The following SCN11A variants were observed in gnomAD, a reference collection of about 807,000 sequenced individuals.
SCN11A encodes sodium voltage-gated channel alpha subunit 11.
In SCN11A, 122 loss-of-function variants were observed where a neutral mutation model predicts 162.2. The observed-to-expected ratio is 0.75, with a 90% confidence interval of 0.65 to 0.87. SCN11A has a LOEUF of 0.87. Ranked by LOEUF, SCN11A falls within the 40% of genes least tolerant of loss-of-function variation. The pLI, the probability that SCN11A is intolerant of heterozygous loss-of-function variation, is 0.00. For synonymous variants in SCN11A, 758 were observed against 751.5 expected (o/e 1.01, Z -0.14); for missense variants, 2,015 against 2,181.6 (o/e 0.92, Z 1.52).
At chr3:38,991,904 G>A (rs2030464374) in intron 2 of SCN11A, among the ~76,000 whole-genome samples, 1 of 152,134 alleles carries the variant, frequency 6.6e-6, no homozygotes, top group Admixed American at 6.5e-5. Context: ...TGCCTCCCAG[G>A]TTCAAGTGAT....
intron 2 of SCN11A, among the ~76,000 whole-genome samples, chr3:38,990,037 T>C (rs879528343): frequency 1.3e-5 from 2 of 152,222 alleles, no homozygotes; most frequent in Non-Finnish European, 2.9e-5. Context: ...TTCACTCTAA[T>C]TGACTTCCAG....
intron 23 of SCN11A, among the ~76,000 whole-genome samples, chr3:38,878,373 G>T (rs1195470555): frequency 1.3e-5 from 2 of 151,750 alleles, no homozygotes; most frequent in Admixed American, 1.3e-4. Context: ...GAAAATTATT[G>T]TCAAAAGAGG....
At chr3:38,949,959 G>A (rs975734244) in intron 5 of SCN11A, 137 bp downstream of exon 5, 5 of 625,108 alleles carry the variant, frequency 8.0e-6, no homozygotes, top group Non-Finnish European at 1.4e-5. Context: ...GCAATGCCAG[G>A]GGATGACAGC....
chr3:38,931,849 A>G (rs1016693412), intron 7 of SCN11A, among the ~76,000 whole-genome samples: 5 of 152,216 alleles, frequency 3.3e-5, no homozygotes, highest in African/African-American at 7.2e-5. Flanking sequence ...TCATTGCTCC[A>G]GTCATTTTAG....
At chr3:38,929,782 ATAAAAGGTGAGT>A in intron 7 of SCN11A, among the ~76,000 whole-genome samples, 1 of 152,232 alleles carries the variant, frequency 6.6e-6, no homozygotes, top group East Asian at 1.9e-4. Flanking sequence ...TGGGTTCCTG[ATAAAAGGTGAGT>A]TCAGGCCTCT....
chr3:38,921,784 G>A (rs7427462), intron 9 of SCN11A, among the ~76,000 whole-genome samples: 80,713 of 152,012 alleles, frequency 0.53, 24,246 homozygotes, highest in South Asian at 0.67. Context: ...AGTTAGAATA[G>A]GGTGTTTTCT....
At chr3:39,007,163 G>C (rs1334700917) in intron 2 of SCN11A, among the ~76,000 whole-genome samples, 2 of 152,130 alleles carry the variant, frequency 1.3e-5, no homozygotes, top group Non-Finnish European at 2.9e-5. Flanking sequence ...ATTTTAGAAT[G>C]CTGGGAAGAA....
At chr3:39,049,013 G>C (rs1251602309) in intron 1 of SCN11A, among the ~76,000 whole-genome samples, 1 of 152,244 alleles carries the variant, frequency 6.6e-6, no homozygotes, top group Non-Finnish European at 1.5e-5. Flanking sequence ...TAGTGGAACA[G>C]AGACAATCTG....
chr3:39,022,263 T>C (rs989827506), intron 2 of SCN11A, among the ~76,000 whole-genome samples: 8 of 152,204 alleles, frequency 5.3e-5, no homozygotes, highest in Non-Finnish European at 1.5e-5. Context: ...ATGTTTCTCC[T>C]TTCATAAATA....
intron 11 of SCN11A, among the ~76,000 whole-genome samples, chr3:38,911,895 T>C (rs967895885): frequency 6.6e-6 from 1 of 152,200 alleles, no homozygotes; most frequent in African/African-American, 2.4e-5. Context: ...TCTCTTGTTT[T>C]GTTCATGGCC....
At chr3:39,009,574 T>G (rs2031071887) in intron 2 of SCN11A, among the ~76,000 whole-genome samples, 1 of 149,620 alleles carries the variant, frequency 6.7e-6, no homozygotes, top group South Asian at 2.2e-4. Flanking sequence ...AACAAACAAT[T>G]ATAAATTCCA....
Position 38,963,401 on chromosome 3 carries a change from TATATATATATATATATGATGGAG to T in SCN11A, c.-279-3001_-279-2979del, listed in dbSNP as rs1229067290. Among the ~76,000 whole-genome samples, 197 of 61,776 alleles carry T rather than the reference TATATATATATATATATGATGGAG, an allele frequency of 3.2e-3. 4 individuals are homozygous for T. Among genetic ancestry groups the T allele is most frequent in the African/African-American group, 0.019 (171 of 9,094 alleles). 40.5% of individuals were successfully genotyped at this position (61,776 alleles called of 152,430 possible). A position where few individuals can be genotyped will look rare whatever the true frequency, so the allele number is the denominator to read the frequency against. On this transcript the variant is annotated intron_variant, in intron 2 of 29. Coordinates refer to ENST00000302328, the MANE Select transcript of SCN11A (RefSeq NM_001349253.2). ...TATATATATATGATGGAGATATATA[TATATATATATATATATGATGGAG>T]ATATATATATATATATATATGATGG...
intron 9 of SCN11A, among the ~76,000 whole-genome samples, chr3:38,924,299 C>T (rs2066101771): frequency 6.6e-6 from 1 of 151,956 alleles, no homozygotes; most frequent in Admixed American, 6.6e-5. Flanking sequence ...GCAGCCTCTG[C>T]CTCCCAGGTT....
intron 11 of SCN11A, among the ~76,000 whole-genome samples, chr3:38,916,324 T>C (rs1187644374): frequency 1.3e-5 from 2 of 152,214 alleles, no homozygotes; most frequent in African/African-American, 4.8e-5. Flanking sequence ...AATATTGATA[T>C]GTCCTAGTCT....
At chr3:38,978,603 G>A (rs938554873) in intron 2 of SCN11A, among the ~76,000 whole-genome samples, 8 of 152,022 alleles carry the variant, frequency 5.3e-5, no homozygotes, top group South Asian at 4.1e-4. Flanking sequence ...CCGAGATCAC[G>A]CCACTGCACT....
In SCN11A at chr3:38,886,176, A is replaced by G. The variant is rs2065396113; in HGVS notation, c.2898T>C (p.Ile966=). 6.2e-7 allele frequency: 1 copy of G among 1,612,916 alleles called. No homozygotes were observed. The change falls in exon 20 of 30, where the codon ATT becomes ATC. Residue 966 remains isoleucine, a synonymous_variant. Coordinates refer to ENST00000302328, the MANE Select transcript of SCN11A (RefSeq NM_001349253.2). ...PTSQRVQSVE[I]DMFSEDEPHL... is the part of the protein sequence containing the mutation. ...GAGGCTCATCTTCAGAGAACATGTC[A>G]ATTTCCACACTTTGAACTCTCTGGC...
chr3:38,995,213 C>T (rs1355813777), intron 2 of SCN11A, among the ~76,000 whole-genome samples: 1 of 151,856 alleles, frequency 6.6e-6, no homozygotes, highest in Non-Finnish European at 1.5e-5. Flanking sequence ...TCACTCCTCC[C>T]GGGTTCACGC....
intron 22 of SCN11A, among the ~76,000 whole-genome samples, chr3:38,881,480 C>T (rs563776459): frequency 7.2e-5 from 11 of 152,216 alleles, no homozygotes; most frequent in East Asian, 1.9e-4. Context: ...TGGATGAGCA[C>T]GCTTATACCT....
intron 19 of SCN11A, among the ~76,000 whole-genome samples, chr3:38,891,033 CA>C (rs1170505954): frequency 6.6e-6 from 1 of 151,168 alleles, no homozygotes; most frequent in Non-Finnish European, 1.5e-5. Flanking sequence ...GTGACGCACA[CA>C]GGGGAAAACA....
Sources: gnomAD v4.1 joint callset for allele counts (sites outside exome capture counted in the v4.1 genomes callset) on GRCh38, gnomAD v4.1.1 for gene constraint, MANE v1.5 for transcripts, NCBI Gene and HGNC (gene_info 2026-07-23, HGNC 2026-07-21) for gene names.